CDH12: variants seen among roughly 807,000 people sequenced by gnomAD.
CDH12 encodes the protein cadherin-12.
In CDH12, 41 loss-of-function variants were observed where a neutral mutation model predicts 74.1. The ratio of observed to expected loss-of-function variants is 0.55; its 90% confidence interval spans 0.43 to 0.72. The LOEUF (loss-of-function observed/expected upper bound fraction) is 0.72, where lower values mean the gene tolerates loss of function less well. CDH12 is among the 30% of genes least tolerant of loss of function. The pLI, the probability that CDH12 is intolerant of heterozygous loss-of-function variation, is 0.00. For synonymous variants in CDH12, 399 were observed against 355.0 expected (o/e 1.12, Z -1.39); for missense variants, 945 against 977.2 (o/e 0.97, Z 0.44).
At chr5:21,800,884 G>T (rs1037620682) in intron 10 of CDH12, among the ~76,000 whole-genome samples, 1 of 152,152 alleles carries the variant, frequency 6.6e-6, no homozygotes, top group Non-Finnish European at 1.5e-5. Context: ...TGCCATGTAA[G>T]ATGCGCCTGC....
At chr5:22,750,224 C>T (rs1051578012) in intron 1 of CDH12, among the ~76,000 whole-genome samples, 1 of 152,082 alleles carries the variant, frequency 6.6e-6, no homozygotes, top group African/African-American at 2.4e-5. Flanking sequence ...TATTCTGGAA[C>T]ATGAACAAAG....
At chr5:22,038,039 C>G (rs1739304739) in intron 5 of CDH12, among the ~76,000 whole-genome samples, 2 of 152,198 alleles carry the variant, frequency 1.3e-5, no homozygotes, top group East Asian at 3.9e-4. Flanking sequence ...GTAAGCCCAG[C>G]TGAGGAAGCT....
intron 1 of CDH12, among the ~76,000 whole-genome samples, chr5:22,591,004 A>G (rs1736283764): frequency 6.6e-6 from 1 of 152,182 alleles, no homozygotes; most frequent in South Asian, 2.1e-4. Context: ...TCATTTTGAG[A>G]TGTGCGCCTG....
intron 1 of CDH12, among the ~76,000 whole-genome samples, chr5:22,736,841 C>T (rs1326915216): frequency 6.6e-6 from 1 of 151,856 alleles, no homozygotes; most frequent in East Asian, 1.9e-4. Flanking sequence ...CATAGAGTTG[C>T]TCCAACTGGA....
chr5:22,506,420 G>A (rs1159795498), intron 1 of CDH12, among the ~76,000 whole-genome samples: 1 of 151,724 alleles, frequency 6.6e-6, no homozygotes, highest in African/African-American at 2.4e-5. Flanking sequence ...TATTTTGTTG[G>A]TCTAATTGTT....
chr5:22,186,656 A>C lies in CDH12; in HGVS notation c.-187+25842T>G, dbSNP rs565958208. Among the ~76,000 whole-genome samples, 12 of 152,180 alleles carry C rather than the reference A, an allele frequency of 7.9e-5. No individual in the cohort carries two copies. The South Asian group carries it at 1.9e-3, about 24-fold the overall frequency. On this transcript the variant is annotated intron_variant, in intron 4 of 14. Transcript: ENST00000382254. ...CAGCTAATTTTTGTATTTTTACTGG[A>C]GGCGGCTTTTCACCACGTTGGCCAG...
intron 7 of CDH12, among the ~76,000 whole-genome samples, chr5:21,849,488 A>T (rs1750351490): frequency 6.6e-6 from 1 of 151,760 alleles, no homozygotes; most frequent in African/African-American, 2.4e-5. Context: ...GTTTTATCTT[A>T]ATAATTATTT....
At chr5:22,210,421 G>C (rs867344578) in intron 4 of CDH12, among the ~76,000 whole-genome samples, 4 of 147,202 alleles carry the variant, frequency 2.7e-5, no homozygotes, top group Admixed American at 2.1e-4. Context: ...CCTCTTATCA[G>C]TATATTGCAA....
chr5:21,978,539 A>G (rs1042508352), intron 5 of CDH12, among the ~76,000 whole-genome samples: 1 of 152,194 alleles, frequency 6.6e-6, no homozygotes, highest in African/African-American at 2.4e-5. Flanking sequence ...ATATTGATGT[A>G]TATTTCTCTG....
intron 1 of CDH12, among the ~76,000 whole-genome samples, chr5:22,552,410 C>G (rs950925781): frequency 3.3e-5 from 5 of 151,690 alleles, no homozygotes; most frequent in African/African-American, 1.2e-4. Context: ...TGAAAAGACA[C>G]CTTAACACCC....
At chr5:21,778,968 C>CT (rs1745756317) in intron 11 of CDH12, among the ~76,000 whole-genome samples, 1 of 151,962 alleles carries the variant, frequency 6.6e-6, no homozygotes, top group Non-Finnish European at 1.5e-5. Context: ...TATCTAACAA[C>CT]TTTATCACAA....
chr5:22,337,205 T>C (rs922850018), intron 3 of CDH12, among the ~76,000 whole-genome samples: 1 of 152,194 alleles, frequency 6.6e-6, no homozygotes, highest in African/African-American at 2.4e-5. Context: ...ATCTAGGAAG[T>C]ACCTATCTTG....
chr5:22,664,447 G>A (rs1466290376), intron 1 of CDH12, among the ~76,000 whole-genome samples: 2 of 152,050 alleles, frequency 1.3e-5, no homozygotes, highest in East Asian at 1.9e-4. Flanking sequence ...CAGATCTTGC[G>A]AGAATTCACT....
intron 2 of CDH12, among the ~76,000 whole-genome samples, chr5:22,420,131 C>G (rs1442819211): frequency 6.6e-6 from 1 of 151,984 alleles, no homozygotes; most frequent in African/African-American, 2.4e-5. Flanking sequence ...GTTGTCTGTT[C>G]ACTCTGATGC....
intron 1 of CDH12, among the ~76,000 whole-genome samples, chr5:22,659,678 C>T (rs1740245748): frequency 6.6e-6 from 1 of 152,000 alleles, no homozygotes; most frequent in Non-Finnish European, 1.5e-5. Flanking sequence ...GTTTTTTTCT[C>T]TCTCTCTCGT....
chr5:22,753,836 A>G (rs754055052), intron 1 of CDH12, among the ~76,000 whole-genome samples: 2 of 152,104 alleles, frequency 1.3e-5, no homozygotes, highest in Non-Finnish European at 2.9e-5. Context: ...TTAGTTCTTA[A>G]AAATTTTCCA....
intron 4 of CDH12, among the ~76,000 whole-genome samples, chr5:22,194,552 G>A (rs1396288907): frequency 1.3e-5 from 2 of 151,792 alleles, no homozygotes; most frequent in South Asian, 2.1e-4. Context: ...GGCTGGTCTC[G>A]AACTCTTGAT....
At chr5:21,793,403 A>G (rs1474305839) in intron 10 of CDH12, among the ~76,000 whole-genome samples, 1 of 151,678 alleles carries the variant, frequency 6.6e-6, no homozygotes, top group Non-Finnish European at 1.5e-5. Flanking sequence ...AAATTGAATT[A>G]TTTTATCTGA....
chr5:22,078,696 G>T lies in CDH12; in HGVS notation c.-20C>A. 1 of 1,610,744 alleles carries T rather than the reference G, an allele frequency of 6.2e-7. No individual in the cohort carries two copies. Among genetic ancestry groups the T allele is most frequent in the East Asian group, 2.2e-5 (1 of 44,774 alleles). ...AAGCATTGGCAAAGGCTTTCCTACAGCAGAGTAATAAAAACTCCAACACTT... is the reference window on the plus strand; with the variant it reads ...AAGCATTGGCAAAGGCTTTCCTACATCAGAGTAATAAAAACTCCAACACTT... On this transcript the variant is annotated 5_prime_UTR_variant, in exon 5 of 15. The change creates a new upstream start codon in the 5' untranslated region. Transcript: ENST00000382254.
Sources: allele counts gnomAD v4.1 joint callset (sites outside exome capture counted in the v4.1 genomes callset), GRCh38; gene constraint gnomAD v4.1.1; transcripts MANE v1.5; gene names NCBI Gene and HGNC (gene_info 2026-07-23, HGNC 2026-07-21).